Variants in HDAC9 observed in about 807,000 individuals in gnomAD.
HDAC9 encodes histone deacetylase 9.
A neutral mutation model predicts 139.4 loss-of-function variants in HDAC9; 41 were observed. The observed-to-expected ratio is 0.29, with a 90% CI of 0.23 to 0.38. The LOEUF (loss-of-function observed/expected upper bound fraction) is 0.38. Among genes scored for constraint, HDAC9 ranks in the 10% least tolerant of loss-of-function variants. The probability of loss-of-function intolerance (pLI) is 1.00; values close to 1 mark genes in which losing one functional copy is unlikely to be tolerated. For synonymous variants in HDAC9, 517 were observed against 476.2 expected (o/e 1.09, Z -1.12); for missense variants, 1,147 against 1,297.0 (o/e 0.88, Z 1.78).
intron 2 of HDAC9, among the ~76,000 whole-genome samples, chr7:18,194,756 G>GT (rs1790612275): frequency 6.6e-6 from 1 of 152,092 alleles, no homozygotes; most frequent in Non-Finnish European, 1.5e-5. Flanking sequence ...AGCAAATTCT[G>GT]TTTTGTTTAG....
At chr7:18,889,017 G>A (rs192990989) in intron 22 of HDAC9, among the ~76,000 whole-genome samples, 6 of 152,234 alleles carry the variant, frequency 3.9e-5, no homozygotes, top group South Asian at 4.1e-4. Context: ...TATCTGTGGC[G>A]TATCATTCCT....
intron 19 of HDAC9, among the ~76,000 whole-genome samples, chr7:18,830,986 T>C (rs1343130049): frequency 6.6e-6 from 1 of 152,234 alleles, no homozygotes; most frequent in African/African-American, 2.4e-5. Flanking sequence ...ATGCTCCTCT[T>C]TCTGTAAGTT....
chr7:18,403,645 T>C (rs1787746638), intron 1 of HDAC9, among the ~76,000 whole-genome samples: 1 of 152,172 alleles, frequency 6.6e-6, no homozygotes, highest in African/African-American at 2.4e-5. Flanking sequence ...AAATGAACCC[T>C]AGGTAGGCTT....
At chr7:18,531,678 C>G (rs1157122724) in intron 2 of HDAC9, among the ~76,000 whole-genome samples, 1 of 151,902 alleles carries the variant, frequency 6.6e-6, no homozygotes, top group East Asian at 1.9e-4. Flanking sequence ...ATCCTCTGTT[C>G]CTTTCATACT....
intron 2 of HDAC9, among the ~76,000 whole-genome samples, chr7:18,248,976 C>G (rs896014294): frequency 3.9e-5 from 6 of 152,136 alleles, no homozygotes; most frequent in African/African-American, 1.2e-4. Context: ...AACAACTATG[C>G]TACTTGCTCT....
At chr7:18,580,881 C>T (rs1827608930) in intron 2 of HDAC9, among the ~76,000 whole-genome samples, 1 of 152,096 alleles carries the variant, frequency 6.6e-6, no homozygotes, top group Non-Finnish European at 1.5e-5. Context: ...GAAACTCAGT[C>T]CTGGTATTGT....
chr7:18,353,313 G>T (rs1266670135), intron 1 of HDAC9, among the ~76,000 whole-genome samples: 2 of 151,898 alleles, frequency 1.3e-5, no homozygotes, highest in Non-Finnish European at 2.9e-5. Context: ...TTCAGCAGGG[G>T]GATACCGTAT....
At chr7:18,162,582 T>G in intron 2 of HDAC9, 1 of 535,946 alleles carries the variant, frequency 1.9e-6, no homozygotes, top group Non-Finnish European at 3.3e-6. Context: ...CATGGGACTT[T>G]AATTCTTCTG....
chr7:18,335,355 G>T (rs1463557842), intron 1 of HDAC9, among the ~76,000 whole-genome samples: 6 of 151,464 alleles, frequency 4.0e-5, no homozygotes, highest in African/African-American at 1.5e-4. Flanking sequence ...TAATCTTGTG[G>T]CTTCTTCAGC....
intron 2 of HDAC9, among the ~76,000 whole-genome samples, chr7:18,220,423 T>TGGAACCAGCTCTTAA (rs1792618222): frequency 6.6e-6 from 1 of 152,134 alleles, no homozygotes; most frequent in South Asian, 2.1e-4. Context: ...ATGAATTCTG[T>TGGAACCAGCTCTTAA]GGAACCAGCT....
intron 8 of HDAC9, among the ~76,000 whole-genome samples, chr7:18,642,575 C>CA (rs1786021379): frequency 6.6e-6 from 1 of 151,954 alleles, no homozygotes; most frequent in African/African-American, 2.4e-5. Context: ...GGTTAGCCTC[C>CA]AAAAAATTCT....
intron 1 of HDAC9, among the ~76,000 whole-genome samples, chr7:18,431,437 T>C (rs1213796816): frequency 6.6e-6 from 1 of 152,194 alleles, no homozygotes; most frequent in East Asian, 1.9e-4. Flanking sequence ...AACTTTTCCA[T>C]TTATTTTTTC....
At chr7:18,440,426 C>T (rs1161872813) in intron 1 of HDAC9, among the ~76,000 whole-genome samples, 1 of 152,014 alleles carries the variant, frequency 6.6e-6, no homozygotes, top group Admixed American at 6.6e-5. Context: ...CACAAGTGCT[C>T]TGCCCACCTC....
chr7:18,582,998 A>C (rs1286462009), intron 2 of HDAC9, among the ~76,000 whole-genome samples: 1 of 152,106 alleles, frequency 6.6e-6, no homozygotes, highest in Non-Finnish European at 1.5e-5. Context: ...CATAATTTGC[A>C]ATTCTTTACT....
chr7:18,224,166 C>T (rs1445270525), intron 2 of HDAC9, among the ~76,000 whole-genome samples: 2 of 152,138 alleles, frequency 1.3e-5, no homozygotes, highest in Non-Finnish European at 2.9e-5. Flanking sequence ...ACAGTGGGTA[C>T]ATGTTAAATC....
intron 2 of HDAC9, among the ~76,000 whole-genome samples, chr7:18,253,188 G>A (rs1795028276): frequency 6.6e-6 from 1 of 152,138 alleles, no homozygotes; most frequent in African/African-American, 2.4e-5. Flanking sequence ...TGTCTTTGCT[G>A]TTGTGAATAC....
intron 1 of HDAC9, 98 bp downstream of exon 1, chr7:18,496,121 C>T (rs1159983023): frequency 7.1e-7 from 1 of 1,414,102 alleles, no homozygotes; most frequent in Non-Finnish European, 9.6e-7. Context: ...TGCTGCTTCT[C>T]CTCAGGGAGG....
At chr7:18,345,883 T>C (rs183835134) in intron 1 of HDAC9, among the ~76,000 whole-genome samples, 207 of 152,118 alleles carry the variant, frequency 1.4e-3, no homozygotes, top group Middle Eastern at 3.4e-3. Context: ...GTTGACTCTT[T>C]TCCAACGACT....
At chr7:18,370,036 G>A (rs934462079) in intron 1 of HDAC9, among the ~76,000 whole-genome samples, 1 of 151,862 alleles carries the variant, frequency 6.6e-6, no homozygotes, top group Admixed American at 6.6e-5. Context: ...TTCTTTTTTT[G>A]TAACTACAAA....
Sources: gnomAD v4.1 joint callset for allele counts (sites outside exome capture counted in the v4.1 genomes callset) on GRCh38, gnomAD v4.1.1 for gene constraint, MANE v1.5 for transcripts, NCBI Gene and HGNC (gene_info 2026-07-23, HGNC 2026-07-21) for gene names.